GFRA1: variants seen among roughly 807,000 people sequenced by gnomAD.
GFRA1 encodes GDNF family receptor alpha 1, also known as GDNF family receptor alpha-1.
Under a neutral mutation model 51.6 loss-of-function variants are expected in GFRA1, and 16 were observed. That is an observed-to-expected ratio of 0.31 (90% CI 0.21 to 0.47). The LOEUF is 0.47. Ranked by LOEUF, GFRA1 falls within the 20% of genes least tolerant of loss-of-function variation. GFRA1 has a pLI of 1.00. For synonymous variants in GFRA1, 270 were observed against 241.3 expected, an observed-to-expected ratio of 1.12 and a Z score of -1.10; for missense variants, 530 against 594.3, an observed-to-expected ratio of 0.89 and a Z score of 1.13.
intron 6 of GFRA1, among the ~76,000 whole-genome samples, chr10:116,104,630 G>A (rs999494609): frequency 6.6e-6 from 1 of 152,190 alleles, no homozygotes; most frequent in Non-Finnish European, 1.5e-5. Flanking sequence ...TGCTTCCTTA[G>A]CCTTTCTGAT....
At chr10:116,148,601 C>T (rs967533473) in intron 5 of GFRA1, among the ~76,000 whole-genome samples, 10 of 152,132 alleles carry the variant, frequency 6.6e-5, no homozygotes, top group Non-Finnish European at 1.2e-4. Flanking sequence ...TTATCATTCA[C>T]CAGTCACTTG....
intron 5 of GFRA1, among the ~76,000 whole-genome samples, chr10:116,155,878 C>A (rs1959189525): frequency 6.6e-6 from 1 of 152,170 alleles, no homozygotes. Context: ...CTTTATGAAT[C>A]TGGCTAGTAA....
intron 4 of GFRA1, among the ~76,000 whole-genome samples, chr10:116,245,043 T>C (rs10885887): frequency 0.25 from 37,265 of 151,962 alleles, 4,950 homozygotes; most frequent in South Asian, 0.37. Context: ...CAGCTGGCAG[T>C]TGAATAATAT....
At chr10:116,257,721 C>T (rs746663259) in intron 4 of GFRA1, among the ~76,000 whole-genome samples, 1 of 152,186 alleles carries the variant, frequency 6.6e-6, no homozygotes, top group East Asian at 1.9e-4. Flanking sequence ...CCATGTTGAC[C>T]TACTAAAATG....
intron 9 of GFRA1, among the ~76,000 whole-genome samples, chr10:116,071,006 A>C (rs1232200573): frequency 6.6e-6 from 1 of 152,226 alleles, no homozygotes; most frequent in Non-Finnish European, 1.5e-5. Flanking sequence ...TGGACACATA[A>C]ATAAAACCTG....
chr10:116,211,018 A>G (rs550196476), intron 5 of GFRA1, among the ~76,000 whole-genome samples: 6 of 152,244 alleles, frequency 3.9e-5, no homozygotes, highest in East Asian at 1.9e-4. Context: ...GGACTAAAAC[A>G]TGGGCCAATG....
chr10:116,183,255 G>A (rs534252142), intron 5 of GFRA1, among the ~76,000 whole-genome samples: 1 of 152,300 alleles, frequency 6.6e-6, no homozygotes, highest in South Asian at 2.1e-4. Context: ...ACAAGACTTG[G>A]TGAGTAAAGA....
intron 6 of GFRA1, among the ~76,000 whole-genome samples, chr10:116,107,722 G>A (rs1449740353): frequency 6.6e-6 from 1 of 152,132 alleles, no homozygotes; most frequent in Non-Finnish European, 1.5e-5. Flanking sequence ...GAAGTGTTGA[G>A]GTAAGTATCA....
intron 5 of GFRA1, among the ~76,000 whole-genome samples, chr10:116,165,715 CTCA>C (rs564598456): frequency 1.0e-3 from 152 of 150,374 alleles, no homozygotes; most frequent in African/African-American, 3.6e-3. Flanking sequence ...CACATTCTCT[CTCA>C]TGAGGGAAAG....
At chr10:116,138,673 GC>G in intron 5 of GFRA1, among the ~76,000 whole-genome samples, 1 of 91,390 alleles carries the variant, frequency 1.1e-5, no homozygotes, top group South Asian at 4.4e-4. Context: ...CTTCACAACT[GC>G]CCCACCAACC....
chr10:116,261,731 A>C (rs2134763948), intron 4 of GFRA1, among the ~76,000 whole-genome samples: 1 of 152,374 alleles, frequency 6.6e-6, no homozygotes, highest in South Asian at 2.1e-4. Flanking sequence ...TTGCTGAATA[A>C]CTATGTAAGA....
At chr10:116,167,030 ACCT>A (rs1477726005) in intron 5 of GFRA1, among the ~76,000 whole-genome samples, 1 of 151,020 alleles carries the variant, frequency 6.6e-6, no homozygotes, top group Non-Finnish European at 1.5e-5. Flanking sequence ...CAATCTCCTG[ACCT>A]CCTGATCCGC....
At chr10:116,125,659 C>A (rs944343388) in intron 5 of GFRA1, 102 bp from the exon 6 acceptor site, 7 of 911,302 alleles carry the variant, frequency 7.7e-6, no homozygotes, top group Non-Finnish European at 8.7e-6. Context: ...GCATTGCCAG[C>A]GGCTCTAGAA....
At chr10:116,141,357 G>C (rs1034570556) in intron 5 of GFRA1, among the ~76,000 whole-genome samples, 10 of 152,314 alleles carry the variant, frequency 6.6e-5, no homozygotes, top group African/African-American at 2.4e-4. Flanking sequence ...AGAAATGTAA[G>C]AGGCTGCAAA....
intron 5 of GFRA1, among the ~76,000 whole-genome samples, chr10:116,171,254 C>A (rs982002860): frequency 6.6e-6 from 1 of 152,068 alleles, no homozygotes; most frequent in Admixed American, 6.5e-5. Context: ...CATTTATTTC[C>A]GACGTAGGTA....
intron 9 of GFRA1, among the ~76,000 whole-genome samples, chr10:116,085,139 G>A (rs1056479063): frequency 5.9e-5 from 9 of 152,074 alleles, no homozygotes; most frequent in African/African-American, 2.2e-4. Context: ...CCTTTCATAG[G>A]AACCATGGAT....
intron 4 of GFRA1, among the ~76,000 whole-genome samples, chr10:116,245,704 T>C (rs1967809444): frequency 6.6e-6 from 1 of 152,182 alleles, no homozygotes; most frequent in Non-Finnish European, 1.5e-5. Flanking sequence ...AGTAAGTGAA[T>C]TGGTAAACAA....
chr10:116,130,145 A>C (rs10787626), intron 5 of GFRA1, among the ~76,000 whole-genome samples: 53,959 of 151,050 alleles, frequency 0.36, 9,912 homozygotes, highest in East Asian at 0.41. Context: ...ACACTGAAAA[A>C]TAAAAACACT....
chr10:116,240,569 G>A (rs1397590927), intron 4 of GFRA1, among the ~76,000 whole-genome samples: 3 of 152,146 alleles, frequency 2.0e-5, no homozygotes, highest in Admixed American at 6.5e-5. Flanking sequence ...TTACTTGGGC[G>A]GAGTGAAACG....
Sources: allele counts gnomAD v4.1 joint callset (sites outside exome capture counted in the v4.1 genomes callset), GRCh38; gene constraint gnomAD v4.1.1; transcripts MANE v1.5; gene names NCBI Gene and HGNC (gene_info 2026-07-23, HGNC 2026-07-21).